TMCO1: variants seen among roughly 807,000 people sequenced by gnomAD.
TMCO1 encodes the protein calcium load-activated calcium channel.
In TMCO1, 29 loss-of-function variants were observed where a neutral mutation model predicts 29.3. That is an observed-to-expected ratio of 0.99 (90% CI 0.74 to 1.35). The LOEUF (loss-of-function observed/expected upper bound fraction) is 1.35, where lower values mean the gene tolerates loss of function less well. Among genes scored for constraint, TMCO1 ranks in the 40% most tolerant of loss-of-function variants. The pLI, the probability that TMCO1 is intolerant of heterozygous loss-of-function variation, is 0.00. For synonymous variants in TMCO1, 80 were observed against 77.1 expected, an observed-to-expected ratio of 1.04 and a Z score of -0.20; for missense variants, 173 against 225.5, an observed-to-expected ratio of 0.77 and a Z score of 1.49.
chr1:165,742,373 C>T (rs1474690191), intron 6 of TMCO1, among the ~76,000 whole-genome samples: 3 of 152,102 alleles, frequency 2.0e-5, no homozygotes, highest in African/African-American at 7.2e-5. Context: ...TGTGACCTTC[C>T]GACCTCGGCC....
rs139700065 is a variant in TMCO1 at position 165,732,465 on chromosome 1, T to C, written c.469-4344A>G. Among the ~76,000 whole-genome samples, 22 of 146,634 alleles carry C rather than the reference T, an allele frequency of 1.5e-4. No individual in the cohort carries two copies. The East Asian group carries it at 3.0e-3, about 20-fold the overall frequency. On this transcript the variant is annotated intron_variant, in intron 6 of 6. Coordinates refer to ENST00000367881, the MANE Select transcript of TMCO1 (RefSeq NM_019026.6). The stretch of plus-strand genomic sequence containing the variant: ...AAAAAATCACAATTATGCTGTTAAA[T>C]GAGCAAATGGTTTCTCTCTCTCTCT...
intron 2 of TMCO1, among the ~76,000 whole-genome samples, chr1:165,761,442 G>A (rs1459902398): frequency 6.6e-6 from 1 of 150,608 alleles, no homozygotes; most frequent in Non-Finnish European, 1.5e-5. Context: ...GGCTGAGGCA[G>A]GAGGAGCTCC....
chr1:165,736,334 A>C (rs2101792274), intron 6 of TMCO1, among the ~76,000 whole-genome samples: 1 of 152,390 alleles, frequency 6.6e-6, no homozygotes, highest in East Asian at 1.9e-4. Context: ...GAATAAAAGA[A>C]TCCAGAATAT....
At chr1:165,724,901 G>C (rs1650788517), downstream of TMCO1, 1 of 453,492 alleles carries the variant, frequency 2.2e-6, no homozygotes, top group Non-Finnish European at 4.4e-6. Flanking sequence ...AGAAGCAGGT[G>C]GGGTTACAGA....
At chr1:165,743,023 G>T in intron 6 of TMCO1, 144 bp downstream of exon 6, 2 of 980,296 alleles carry the variant, frequency 2.0e-6, no homozygotes, top group Non-Finnish European at 3.1e-6. Flanking sequence ...AATGGCTTTT[G>T]GAAGATACAC....
chr1:165,724,476 T>A (rs768475831), downstream of TMCO1: 14 of 454,008 alleles, frequency 3.1e-5, no homozygotes, highest in Non-Finnish European at 5.7e-5. Flanking sequence ...GAGATGCTGA[T>A]GAACCAATAG....
At chr1:165,726,258 T>C (rs780138467), downstream of TMCO1, 1 of 698,818 alleles carries the variant, frequency 1.4e-6, no homozygotes, top group South Asian at 1.5e-5. Flanking sequence ...ATCCTTCTGA[T>C]AAAACTAGTC....
intron 6 of TMCO1, 26 bp from the exon 7 acceptor site, chr1:165,728,147 G>A (rs779929531): frequency 6.4e-6 from 10 of 1,570,074 alleles, no homozygotes; most frequent in Non-Finnish European, 8.7e-6. Flanking sequence ...AGTAAGGATT[G>A]GGTTTTAATA....
At chr1:165,758,321 T>C (rs1445800548) in intron 3 of TMCO1, among the ~76,000 whole-genome samples, 1 of 151,946 alleles carries the variant, frequency 6.6e-6, no homozygotes, top group Non-Finnish European at 1.5e-5. Flanking sequence ...CTTGGAGAGG[T>C]TGAGGCGGCG....
intron 2 of TMCO1, among the ~76,000 whole-genome samples, chr1:165,761,173 G>C (rs1024487066): frequency 2.7e-4 from 40 of 145,944 alleles, no homozygotes; most frequent in Admixed American, 3.4e-4. Context: ...TTGTGTATTT[G>C]TGTGTGTGTG....
At chr1:165,732,503 C>A (rs34008206) in intron 6 of TMCO1, among the ~76,000 whole-genome samples, 21,387 of 127,962 alleles carry the variant, frequency 0.17, 1,639 homozygotes, top group African/African-American at 0.22. Context: ...CTCTCTCTCT[C>A]TCTATATATA....
At position 165,742,578 on chromosome 1, in the gene TMCO1, T is replaced by C. The variant is rs114304424; in HGVS notation, c.468+589A>G. Among the ~76,000 whole-genome samples, 703 of 152,270 alleles carry C rather than the reference T, an allele frequency of 4.6e-3. 7 individuals carry two copies. Among genetic ancestry groups the C allele is most frequent in the Middle Eastern group, 0.014 (4 of 294 alleles). On this transcript the variant is annotated intron_variant, in intron 6 of 6. Transcript: ENST00000367881. ...GCACCTGGCCACCTTTTCACTTCCA[T>C]AGGCCCATCTCGAAAGCCACTTCAT... is the stretch of plus-strand genomic sequence containing the variant.
chr1:165,735,097 A>G (rs904249914), intron 6 of TMCO1, among the ~76,000 whole-genome samples: 3 of 152,164 alleles, frequency 2.0e-5, no homozygotes, highest in African/African-American at 7.2e-5. Flanking sequence ...CCTCTTTGTA[A>G]TAAAGGTCTT....
At chr1:165,729,003 G>A (rs778723600) in intron 6 of TMCO1, among the ~76,000 whole-genome samples, 1 of 151,210 alleles carries the variant, frequency 6.6e-6, no homozygotes, top group Non-Finnish European at 1.5e-5. Context: ...CTACTCGGGA[G>A]GGTGAGGCAT....
chr1:165,730,291 C>T lies in TMCO1; in HGVS notation c.469-2170G>A, dbSNP rs908561067. Among the ~76,000 whole-genome samples, 6 of 151,984 alleles carry T rather than the reference C, an allele frequency of 3.9e-5. No homozygotes were observed. In the South Asian group the frequency reaches 1.2e-3, roughly 32 times the overall value. ...GGCGGAGCCTGCAGTGAGCCGAGAT[C>T]GCGCCACTGCACTCCAGCCTGGGCG... On this transcript the variant is annotated intron_variant, in intron 6 of 6. Coordinates refer to ENST00000367881, the MANE Select transcript of TMCO1 (RefSeq NM_019026.6).
chr1:165,754,097 C>A (rs369740196), intron 4 of TMCO1, 131 bp downstream of exon 4: 1 of 749,298 alleles, frequency 1.3e-6, no homozygotes, highest in African/African-American at 1.7e-5. Flanking sequence ...TCCAGGAACA[C>A]CCATGATATT....
chr1:165,744,590 G>A (rs1424221853), intron 5 of TMCO1, among the ~76,000 whole-genome samples: 1 of 151,986 alleles, frequency 6.6e-6, no homozygotes, highest in African/African-American at 2.4e-5. Context: ...TTGGGAGTTC[G>A]AGACCAGCTG....
chr1:165,754,326 G>A, intron 3 of TMCO1, 52 bp from the exon 4 acceptor site: 3 of 1,436,876 alleles, frequency 2.1e-6, no homozygotes, highest in Non-Finnish European at 2.9e-6. Context: ...GCACAAAGCA[G>A]CTGTTAAATA....
intron 6 of TMCO1, among the ~76,000 whole-genome samples, chr1:165,730,739 G>C (rs961445490): frequency 2.6e-5 from 4 of 151,824 alleles, no homozygotes; most frequent in African/African-American, 9.7e-5. Context: ...GGACTAACAG[G>C]CATGCCACCA....
Sources: gnomAD v4.1 joint callset for allele counts (sites outside exome capture counted in the v4.1 genomes callset) on GRCh38, gnomAD v4.1.1 for gene constraint, MANE v1.5 for transcripts, NCBI Gene and HGNC (gene_info 2026-07-23, HGNC 2026-07-21) for gene names.